Variants in ST8SIA6 observed in about 807,000 individuals in gnomAD.
ST8SIA6 encodes ST8 alpha-N-acetyl-neuraminide alpha-2,8-sialyltransferase 6.
In ST8SIA6, 39 loss-of-function variants were observed where a neutral mutation model predicts 33.6. That is an observed-to-expected ratio of 1.16 (90% CI 0.90 to 1.52). The LOEUF (loss-of-function observed/expected upper bound fraction) is 1.52, where lower values mean the gene tolerates loss of function less well. Among genes scored for constraint, ST8SIA6 ranks in the 40% most tolerant of loss-of-function variants. The pLI is 0.00. For missense variants in ST8SIA6, 441 were observed against 443.8 expected (o/e 0.99, Z 0.06); for synonymous variants, 172 against 167.2 (o/e 1.03, Z -0.22).
intron 2 of ST8SIA6, among the ~76,000 whole-genome samples, chr10:17,412,507 G>A (rs1851484509): frequency 6.6e-6 from 1 of 152,182 alleles, no homozygotes; most frequent in Non-Finnish European, 1.5e-5. Context: ...ACAAGGCCAT[G>A]CACTGGAATT....
intron 2 of ST8SIA6, among the ~76,000 whole-genome samples, chr10:17,450,920 T>C (rs1340030305): frequency 6.6e-6 from 1 of 152,124 alleles, no homozygotes; most frequent in Non-Finnish European, 1.5e-5. Flanking sequence ...ACACACCATC[T>C]TTCCCAGCAC....
chr10:17,389,501 G>A (rs1188443380), intron 3 of ST8SIA6, among the ~76,000 whole-genome samples: 1 of 152,104 alleles, frequency 6.6e-6, no homozygotes, highest in Non-Finnish European at 1.5e-5. Context: ...ATTGGACTGG[G>A]CACCTTCTAG....
intron 2 of ST8SIA6, among the ~76,000 whole-genome samples, chr10:17,428,779 G>A (rs796332775): frequency 2.0e-5 from 3 of 152,320 alleles, no homozygotes; most frequent in African/African-American, 7.2e-5. Flanking sequence ...AGCTGGCATC[G>A]TGTGATGCGG....
rs1312426877 is a variant in ST8SIA6 at position 17,318,202 on chromosome 10, A to C, written c.*2676T>G. Among the ~76,000 whole-genome samples the C allele has an allele frequency of 6.6e-6, 1 of 151,502 alleles. No homozygotes were observed. The highest frequency in any genetic ancestry group is 2.4e-5 in the African/African-American group (1 of 40,934). On this transcript the variant is annotated 3_prime_UTR_variant, in exon 8 of 8. Transcript: ENST00000377602. ...ATGCAGCGTTATGAGCTAGAATCCT[A>C]ACTAAAGGGCTACTTTTTTTTTTTC...
intron 3 of ST8SIA6, among the ~76,000 whole-genome samples, chr10:17,385,764 TA>T (rs1850318810): frequency 1.3e-5 from 2 of 152,298 alleles, no homozygotes; most frequent in South Asian, 4.1e-4. Flanking sequence ...AGAGGTCTCA[TA>T]CCTCCCTAAA....
chr10:17,413,031 C>G (rs1218266084), intron 2 of ST8SIA6, among the ~76,000 whole-genome samples: 3 of 152,056 alleles, frequency 2.0e-5, no homozygotes, highest in Admixed American at 2.0e-4. Context: ...CCTGTAAATC[C>G]ATATAAGTGC....
At chr10:17,336,107 C>T (rs756692816) in intron 4 of ST8SIA6, among the ~76,000 whole-genome samples, 17 of 152,012 alleles carry the variant, frequency 1.1e-4, no homozygotes, top group Admixed American at 3.9e-4. Flanking sequence ...AGTCGTGCAC[C>T]GACACGCCCG....
chr10:17,337,820 TTAAGAAATGGAGGACACTGTGGG>T (rs1244305622), intron 4 of ST8SIA6, among the ~76,000 whole-genome samples: 2 of 152,142 alleles, frequency 1.3e-5, no homozygotes, highest in Non-Finnish European at 2.9e-5. Context: ...AGAGGATACA[TTAAGAAATGGAGGACACTGTGGG>T]TATTCATCAG....
At chr10:17,439,566 C>G (rs1266172318) in intron 2 of ST8SIA6, among the ~76,000 whole-genome samples, 2 of 152,242 alleles carry the variant, frequency 1.3e-5, no homozygotes, top group African/African-American at 4.8e-5. Context: ...CAGGCGTGAG[C>G]CACCATGTCC....
intron 2 of ST8SIA6, among the ~76,000 whole-genome samples, chr10:17,447,956 C>T (rs1156911466): frequency 2.6e-5 from 4 of 152,130 alleles, no homozygotes; most frequent in Non-Finnish European, 4.4e-5. Context: ...CCCGCCACCA[C>T]ATCTGGCTAA....
chr10:17,422,556 C>T (rs1044684427), intron 2 of ST8SIA6, among the ~76,000 whole-genome samples: 3 of 152,206 alleles, frequency 2.0e-5, no homozygotes, highest in Non-Finnish European at 4.4e-5. Context: ...ACTCCTCTCT[C>T]GCTGCCAATC....
rs1306226955 is a variant in ST8SIA6, at chr10:17,315,940, A to C, written c.*4938T>G. Among the ~76,000 whole-genome samples, 1 of 152,018 alleles carries C rather than the reference A, an allele frequency of 6.6e-6. No individual in the cohort carries two copies. Among genetic ancestry groups the C allele is most frequent in the African/African-American group, 2.4e-5 (1 of 41,436 alleles). The stretch of plus-strand genomic sequence containing the variant: ...TTTCATTTTATAATTGCATAATGGA[A>C]ATAATATTGGCTTTAGAGTCAGACA... On this transcript the variant is annotated 3_prime_UTR_variant, in exon 8 of 8. Transcript: ENST00000377602.
chr10:17,404,366 GAACC>G (rs1243503953), intron 2 of ST8SIA6, among the ~76,000 whole-genome samples: 1 of 152,056 alleles, frequency 6.6e-6, no homozygotes, highest in African/African-American at 2.4e-5. Context: ...CTTCAATGGA[GAACC>G]ACCTCATTGT....
At chr10:17,335,153 A>T (rs1217063272) in intron 4 of ST8SIA6, among the ~76,000 whole-genome samples, 2 of 152,218 alleles carry the variant, frequency 1.3e-5, no homozygotes, top group African/African-American at 4.8e-5. Flanking sequence ...TCATAGGACC[A>T]GTTTTTCATG....
Position 17,453,544 on chromosome 10 carries a change from TG to T in ST8SIA6, c.200+14del. 1.5e-6 allele frequency: 2 copies of T among 1,291,254 alleles called. No homozygotes were observed. The highest frequency in any genetic ancestry group is 2.0e-6 in the Non-Finnish European group (2 of 1,011,364). The allele number at this position is 1,291,254 out of a possible 1,614,324, so 80.0% of individuals were successfully genotyped here. A position where few individuals can be genotyped will look rare whatever the true frequency, so the allele number is the denominator to read the frequency against. ...CTCCCGAGCCCCAGTCCGCCCGCGCTGGGCGCCGCTGTACCTGTTAGTGGCG... is the reference window on the plus strand; with the variant it reads ...CTCCCGAGCCCCAGTCCGCCCGCGCTGGCGCCGCTGTACCTGTTAGTGGCG... On this transcript the variant is annotated intron_variant, in intron 2 of 7. Coordinates refer to ENST00000377602, the MANE Select transcript of ST8SIA6 (RefSeq NM_001004470.3).
chr10:17,428,352 CT>C (rs1851998146), intron 2 of ST8SIA6, among the ~76,000 whole-genome samples: 1 of 152,138 alleles, frequency 6.6e-6, no homozygotes, highest in South Asian at 2.1e-4. Flanking sequence ...AACCCTAATA[CT>C]TTCATTCATT....
chr10:17,446,916 A>G (rs991704540), intron 2 of ST8SIA6, among the ~76,000 whole-genome samples: 1 of 148,600 alleles, frequency 6.7e-6, no homozygotes. Flanking sequence ...GTGGTGGCAG[A>G]TGCTGCCTGT....
At chr10:17,381,379 T>C (rs1850146426) in intron 3 of ST8SIA6, among the ~76,000 whole-genome samples, 1 of 152,086 alleles carries the variant, frequency 6.6e-6, no homozygotes. Flanking sequence ...AAAATGTACC[T>C]CCATCGGCAT....
chr10:17,420,905 G>C (rs969855489), intron 2 of ST8SIA6, among the ~76,000 whole-genome samples: 1 of 152,162 alleles, frequency 6.6e-6, no homozygotes, highest in African/African-American at 2.4e-5. Flanking sequence ...CTTCTAACAG[G>C]GCAGCAGGAG....
Sources: allele counts gnomAD v4.1 joint callset (sites outside exome capture counted in the v4.1 genomes callset), GRCh38; gene constraint gnomAD v4.1.1; transcripts MANE v1.5; gene names NCBI Gene and HGNC (gene_info 2026-07-23, HGNC 2026-07-21).